Variants in TMC1 observed in about 807,000 individuals in gnomAD.
TMC1 encodes transmembrane channel like 1.
TMC1 carries 84 observed loss-of-function variants against 105.8 expected under a neutral mutation model. The observed-to-expected ratio is 0.79, with a 90% CI of 0.67 to 0.95. The LOEUF is 0.95. Among genes scored for constraint, TMC1 ranks in the 40% least tolerant of loss-of-function variants. The pLI is 0.00. For synonymous variants in TMC1, 315 were observed against 311.5 expected (o/e 1.01, Z -0.12); for missense variants, 817 against 914.1 (o/e 0.89, Z 1.37).
intron 14 of TMC1, among the ~76,000 whole-genome samples, chr9:72,788,891 C>T (rs953530142): frequency 1.3e-5 from 2 of 151,726 alleles, no homozygotes; most frequent in African/African-American, 4.8e-5. Context: ...TGAAGACTAT[C>T]CTAATATCAG....
At chr9:72,571,442 C>CTT (rs35382914) in intron 1 of TMC1, among the ~76,000 whole-genome samples, 1 of 139,092 alleles carries the variant, frequency 7.2e-6, no homozygotes, top group Non-Finnish European at 1.5e-5. Flanking sequence ...CAACCTCACG[C>CTT]TTTTTTTTTT....
intron 1 of TMC1, among the ~76,000 whole-genome samples, chr9:72,522,133 A>G (rs1190417405): frequency 1.3e-5 from 2 of 150,282 alleles, no homozygotes; most frequent in Non-Finnish European, 1.5e-5. Context: ...AGTGCACAGC[A>G]TGTCACCCAG....
chr9:72,643,957 A>G (rs896761373), intron 4 of TMC1, among the ~76,000 whole-genome samples: 1 of 152,210 alleles, frequency 6.6e-6, no homozygotes. Flanking sequence ...CAGTCTTGCA[A>G]TTTTAGCCAT....
At chr9:72,758,978 G>A (rs1303605810) in intron 12 of TMC1, among the ~76,000 whole-genome samples, 1 of 152,078 alleles carries the variant, frequency 6.6e-6, no homozygotes, top group Non-Finnish European at 1.5e-5. Flanking sequence ...CAGATATCTT[G>A]ACAGAGATAA....
chr9:72,790,616 T>C (rs1196602019), intron 15 of TMC1, among the ~76,000 whole-genome samples: 1 of 152,156 alleles, frequency 6.6e-6, no homozygotes, highest in Non-Finnish European at 1.5e-5. Context: ...TAGTTGATTA[T>C]CAATAAAATA....
intron 18 of TMC1, among the ~76,000 whole-genome samples, chr9:72,811,636 G>A (rs1010939922): frequency 5.4e-4 from 82 of 152,312 alleles, no homozygotes; most frequent in African/African-American, 1.9e-3. Flanking sequence ...TTCAGGGCAT[G>A]ATGGGGTAAG....
At chr9:72,545,808 A>C (rs1823756577) in intron 1 of TMC1, among the ~76,000 whole-genome samples, 1 of 152,200 alleles carries the variant, frequency 6.6e-6, no homozygotes, top group African/African-American at 2.4e-5. Context: ...AATCTTAAAC[A>C]AAAGGATATG....
chr9:72,780,699 A>T (rs1012484079), intron 13 of TMC1, among the ~76,000 whole-genome samples: 1 of 152,208 alleles, frequency 6.6e-6, no homozygotes, highest in African/African-American at 2.4e-5. Context: ...ACTTTAACCT[A>T]ACAATAATCA....
intron 23 of TMC1, among the ~76,000 whole-genome samples, chr9:72,831,208 T>C (rs1829036566): frequency 6.6e-6 from 1 of 152,316 alleles, no homozygotes; most frequent in East Asian, 1.9e-4. Context: ...ATTAATAATA[T>C]GCTTTGAGTT....
intron 2 of TMC1, among the ~76,000 whole-genome samples, chr9:72,615,868 C>T (rs1354467684): frequency 6.6e-6 from 1 of 151,892 alleles, no homozygotes; most frequent in African/African-American, 2.4e-5. Flanking sequence ...ATTCTTGTGC[C>T]TTAGCCTCCT....
intron 12 of TMC1, among the ~76,000 whole-genome samples, chr9:72,765,421 G>C (rs767148342): frequency 2.1e-4 from 32 of 151,898 alleles, no homozygotes; most frequent in Non-Finnish European, 3.7e-4. Flanking sequence ...GTCAACAAAG[G>C]CTTTACAAGT....
intron 5 of TMC1, among the ~76,000 whole-genome samples, chr9:72,676,118 CTCT>C (rs1826198180): frequency 6.6e-6 from 1 of 152,120 alleles, no homozygotes; most frequent in Non-Finnish European, 1.5e-5. Flanking sequence ...ATTTGGCTGC[CTCT>C]TCTTTCAATA....
intron 5 of TMC1, among the ~76,000 whole-genome samples, chr9:72,653,750 A>G (rs1364157534): frequency 1.3e-5 from 2 of 152,170 alleles, no homozygotes; most frequent in Non-Finnish European, 2.9e-5. Context: ...TTCTTGGAAT[A>G]AATCCACACA....
intron 4 of TMC1, among the ~76,000 whole-genome samples, chr9:72,631,890 A>G (rs1825458725): frequency 6.6e-6 from 1 of 152,244 alleles, no homozygotes; most frequent in Admixed American, 6.5e-5. Context: ...GGGCAAGCCT[A>G]AAGGAAAAGT....
intron 23 of TMC1, 38 bp from the exon 24 acceptor site, chr9:72,835,909 CTCCT>C (rs1829115441): frequency 1.3e-6 from 2 of 1,564,472 alleles, no homozygotes; most frequent in Non-Finnish European, 1.7e-6. Flanking sequence ...CTCTCTCTCT[CTCCT>C]TGTTTTTTTT....
chr9:72,654,208 A>G (rs992738735), intron 5 of TMC1, among the ~76,000 whole-genome samples: 1 of 152,186 alleles, frequency 6.6e-6, no homozygotes, highest in African/African-American at 2.4e-5. Flanking sequence ...GCTACATATA[A>G]TTTTGCATTT....
At chr9:72,740,028 A>C in intron 8 of TMC1, 91 bp from the exon 9 acceptor site, 1 of 961,842 alleles carries the variant, frequency 1.0e-6, no homozygotes, top group Non-Finnish European at 1.7e-6. Flanking sequence ...ATAAGACTGC[A>C]GACCTGGTAA....
intron 1 of TMC1, among the ~76,000 whole-genome samples, chr9:72,569,900 C>T (rs1824242200): frequency 1.3e-5 from 2 of 151,946 alleles, no homozygotes; most frequent in Non-Finnish European, 2.9e-5. Context: ...AGTCCTGAGG[C>T]GTGAAGAAGA....
At chr9:72,621,417 A>C (rs1310169429) in intron 3 of TMC1, among the ~76,000 whole-genome samples, 1 of 152,196 alleles carries the variant, frequency 6.6e-6, no homozygotes, top group Non-Finnish European at 1.5e-5. Flanking sequence ...GTGAGAGGAC[A>C]TCGTGAATAT....
Sources: gnomAD v4.1 joint callset for allele counts (sites outside exome capture counted in the v4.1 genomes callset) on GRCh38, gnomAD v4.1.1 for gene constraint, MANE v1.5 for transcripts, NCBI Gene and HGNC (gene_info 2026-07-23, HGNC 2026-07-21) for gene names.